Variants in TACR1 observed in about 807,000 individuals in gnomAD.
TACR1 encodes tachykinin receptor 1, also known as substance-P receptor.
A neutral mutation model predicts 35.8 loss-of-function variants in TACR1; 25 were observed. The observed-to-expected ratio is 0.70, with a 90% CI of 0.51 to 0.98. The LOEUF (loss-of-function observed/expected upper bound fraction) is 0.98. TACR1 is among the 50% of genes least tolerant of loss of function. The pLI is 0.00. For missense variants in TACR1, 478 were observed against 522.9 expected, an observed-to-expected ratio of 0.91 and a Z score of 0.84; for synonymous variants, 195 against 206.7, an observed-to-expected ratio of 0.94 and a Z score of 0.48.
chr2:75,137,894 C>T (rs1240282919), intron 1 of TACR1, among the ~76,000 whole-genome samples: 1 of 152,056 alleles, frequency 6.6e-6, no homozygotes, highest in East Asian at 1.9e-4. Context: ...TACTGTGTTT[C>T]TGTATGATGG....
At chr2:75,155,412 T>G in intron 1 of TACR1, among the ~76,000 whole-genome samples, 1 of 152,126 alleles carries the variant, frequency 6.6e-6, no homozygotes, top group East Asian at 1.9e-4. Context: ...TTTGCTTACA[T>G]GCCCTTCTTC....
At chr2:75,062,977 C>T (rs1672698477) in intron 2 of TACR1, among the ~76,000 whole-genome samples, 1 of 152,188 alleles carries the variant, frequency 6.6e-6, no homozygotes, top group Non-Finnish European at 1.5e-5. Flanking sequence ...TATAGTTCCA[C>T]ATGGGTGGGG....
intron 1 of TACR1, among the ~76,000 whole-genome samples, chr2:75,154,817 G>A (rs781510231): frequency 1.3e-5 from 2 of 152,126 alleles, no homozygotes; most frequent in Admixed American, 6.5e-5. Context: ...CTTCTCCACA[G>A]CACTGCTTAG....
At chr2:75,111,372 T>C (rs976204665) in intron 2 of TACR1, among the ~76,000 whole-genome samples, 1 of 152,020 alleles carries the variant, frequency 6.6e-6, no homozygotes, top group African/African-American at 2.4e-5. Context: ...TTCCCCAGAA[T>C]ATGTTTTATG....
intron 2 of TACR1, among the ~76,000 whole-genome samples, chr2:75,084,140 C>T: frequency 6.6e-6 from 1 of 152,084 alleles, no homozygotes; most frequent in East Asian, 1.9e-4. Flanking sequence ...GCATGAAGGG[C>T]TGTTGAATTT....
At chr2:75,148,903 G>A (rs189443719) in intron 1 of TACR1, among the ~76,000 whole-genome samples, 1 of 152,262 alleles carries the variant, frequency 6.6e-6, no homozygotes, top group East Asian at 1.9e-4. Context: ...TTTGTATAAG[G>A]TGTAAGGAAG....
In TACR1 at chr2:75,135,188, A is replaced by G. The variant is rs114390056; in HGVS notation, c.390-14420T>C. Among the ~76,000 whole-genome samples the G allele has an allele frequency of 3.4e-3, 515 of 152,224 alleles. 1 individual carries two copies. Among genetic ancestry groups the G allele is most frequent in the African/African-American group, 0.012 (483 of 41,530 alleles). On this transcript the variant is annotated intron_variant, in intron 1 of 4. Transcript: ENST00000305249. Reference sequence around the variant, plus strand: ...CCATGCGGGCCCCAGCACAGGACATATCTCTTTCCCTCTCCCTATTGCTCT... The same window carrying G: ...CCATGCGGGCCCCAGCACAGGACATGTCTCTTTCCCTCTCCCTATTGCTCT...
chr2:75,151,447 C>A (rs1216268524), intron 1 of TACR1, among the ~76,000 whole-genome samples: 1 of 152,234 alleles, frequency 6.6e-6, no homozygotes, highest in Non-Finnish European at 1.5e-5. Flanking sequence ...TGGGCTGTGA[C>A]TTCAGAGGAT....
At chr2:75,092,921 C>G (rs990437259) in intron 2 of TACR1, among the ~76,000 whole-genome samples, 1 of 152,154 alleles carries the variant, frequency 6.6e-6, no homozygotes, top group Non-Finnish European at 1.5e-5. Flanking sequence ...GGAATTAAAG[C>G]TATCAAAATA....
chr2:75,139,238 G>T (rs1377146250), intron 1 of TACR1, among the ~76,000 whole-genome samples: 3 of 152,104 alleles, frequency 2.0e-5, no homozygotes, highest in African/African-American at 7.2e-5. Flanking sequence ...CATCAGTCAG[G>T]TATTACCATC....
At position 75,049,231 on chromosome 2, in the gene TACR1, C is replaced by A. The variant is rs79391873; in HGVS notation, c.*201G>T. The A allele has an allele frequency of 0.015, 9,146 of 603,014 alleles. 356 individuals are homozygous for A. The highest frequency in any genetic ancestry group is 0.092 in the African/African-American group (4,960 of 54,174). The allele number at this position is 603,014 out of a possible 1,614,324, so 37.4% of individuals were successfully genotyped here. ...AAGTTCAGTGATTTGGTTTGAGTCA[C>A]ACAGCATGAGGGTGGCAAAGATAGG... On this transcript the variant is annotated 3_prime_UTR_variant, in exon 5 of 5. Coordinates refer to ENST00000305249, the MANE Select transcript of TACR1 (RefSeq NM_001058.4).
chr2:75,082,671 G>A (rs1419767265), intron 2 of TACR1, among the ~76,000 whole-genome samples: 34 of 152,150 alleles, frequency 2.2e-4, no homozygotes, highest in Admixed American at 6.5e-4. Flanking sequence ...TTCTCTGATG[G>A]CCAGTGATGG....
intron 4 of TACR1, among the ~76,000 whole-genome samples, chr2:75,050,819 G>GC (rs1672448839): frequency 6.6e-6 from 1 of 152,238 alleles, no homozygotes; most frequent in African/African-American, 2.4e-5. Context: ...AATGTGCTCT[G>GC]TGGGGGGATG....
At chr2:75,116,557 C>T (rs1227246619) in intron 2 of TACR1, among the ~76,000 whole-genome samples, 1 of 152,034 alleles carries the variant, frequency 6.6e-6, no homozygotes, top group East Asian at 1.9e-4. Flanking sequence ...TAATTACCTG[C>T]AAGTGGAATT....
At position 75,131,992 on chromosome 2, in the gene TACR1, T is replaced by C. The variant is rs370891978; in HGVS notation, c.390-11224A>G. The stretch of plus-strand genomic sequence containing the variant: ...ACAAATCTGGCAAACAAAAAAGACA[T>C]TGAAATTCATTTCTATAAAAGCCAG... On this transcript the variant is annotated intron_variant, in intron 1 of 4. Transcript: ENST00000305249. Among the ~76,000 whole-genome samples the C allele has an allele frequency of 2.5e-4, 38 of 152,264 alleles. No individual in the cohort carries two copies. In the East Asian group the frequency reaches 6.4e-3, roughly 25 times the overall value.
rs546304474 is a variant in TACR1, at chr2:75,111,114, T to G, written c.584+9460A>C. On this transcript the variant is annotated intron_variant, in intron 2 of 4. Coordinates refer to ENST00000305249, the MANE Select transcript of TACR1 (RefSeq NM_001058.4). ...TGTTAGTTTTTCTCATATATTATAA[T>G]CTTTTTCTCAGTTTGTCACGTGCAG... Among the ~76,000 whole-genome samples the G allele has an allele frequency of 2.0e-5, 3 of 152,038 alleles. No individual in the cohort carries two copies. In the South Asian group the frequency reaches 6.2e-4, roughly 31 times the overall value.
chr2:75,123,804 AT>A (rs1242654787), intron 1 of TACR1, among the ~76,000 whole-genome samples: 1 of 151,812 alleles, frequency 6.6e-6, no homozygotes, highest in Non-Finnish European at 1.5e-5. Flanking sequence ...AGCTAGTACC[AT>A]TTGGATAACC....
At chr2:75,150,583 C>T (rs2103964231) in intron 1 of TACR1, among the ~76,000 whole-genome samples, 1 of 149,492 alleles carries the variant, frequency 6.7e-6, no homozygotes, top group South Asian at 2.1e-4. Context: ...CCTCCCCAGC[C>T]ATGTAGAACT....
chr2:75,113,670 T>C (rs1424235931), intron 2 of TACR1, among the ~76,000 whole-genome samples: 1 of 150,922 alleles, frequency 6.6e-6, no homozygotes, highest in Non-Finnish European at 1.5e-5. Flanking sequence ...TTGCTTTTCA[T>C]CAACCAAAGC....
Sources: allele counts gnomAD v4.1 joint callset (sites outside exome capture counted in the v4.1 genomes callset), GRCh38; gene constraint gnomAD v4.1.1; transcripts MANE v1.5; gene names NCBI Gene and HGNC (gene_info 2026-07-23, HGNC 2026-07-21).